The following TTLL1 variants were observed in gnomAD, a reference collection of about 807,000 sequenced individuals.
The protein encoded by TTLL1 is TTL family tubulin polyglutamylase complex subunit L1.
In TTLL1, 33 loss-of-function variants were observed where a neutral mutation model predicts 47.8. The observed-to-expected ratio is 0.69, with a 90% CI of 0.52 to 0.92. The LOEUF is 0.92. Among genes scored for constraint, TTLL1 ranks in the 40% least tolerant of loss-of-function variants. TTLL1 has a pLI of 0.00. For missense variants in TTLL1, 488 were observed against 547.5 expected (o/e 0.89, Z 1.08); for synonymous variants, 225 against 214.1 (o/e 1.05, Z -0.45).
At chr22:43,042,552 C>T (rs946967249) in intron 10 of TTLL1, among the ~76,000 whole-genome samples, 2 of 152,250 alleles carry the variant, frequency 1.3e-5, no homozygotes, top group Admixed American at 1.3e-4. Context: ...CTTGTAGGGC[C>T]ACAGCCAATG....
At chr22:43,060,736 T>A (rs1004169231) in intron 7 of TTLL1, among the ~76,000 whole-genome samples, 55 of 152,304 alleles carry the variant, frequency 3.6e-4, no homozygotes, top group African/African-American at 1.3e-3. Context: ...AATGCTTATC[T>A]TTGAAGGCAA....
intron 2 of TTLL1, among the ~76,000 whole-genome samples, chr22:43,079,434 G>A (rs939259494): frequency 6.6e-6 from 1 of 151,874 alleles, no homozygotes; most frequent in African/African-American, 2.4e-5. Context: ...CCTCACACCC[G>A]CAGACACGGG....
intron 10 of TTLL1, among the ~76,000 whole-genome samples, chr22:43,042,704 C>G (rs375385748): frequency 6.6e-6 from 1 of 152,130 alleles, no homozygotes; most frequent in African/African-American, 2.4e-5. Flanking sequence ...CCAGTCAGCA[C>G]CAACTGCTAC....
chr22:43,075,697 C>T (rs1928443225), intron 2 of TTLL1, 107 bp from the exon 3 acceptor site: 7 of 931,696 alleles, frequency 7.5e-6, no homozygotes, highest in South Asian at 4.2e-5. Context: ...GATCTTACCC[C>T]GGCAATGGTT....
Position 43,046,559 on chromosome 22 carries a change from C to A in TTLL1, c.993G>T (p.Pro331=), listed in dbSNP as rs143499869. 6.2e-7 allele frequency: 1 copy of A among 1,614,020 alleles called. No homozygotes were observed. The highest frequency in any genetic ancestry group is 1.3e-5 in the African/African-American group (1 of 75,048). Reference sequence around the variant, plus strand: ...CATTGGCAGTGCTGGACGTGAGAGACGGGGACGCATTCACCTGTGAGATGA... The same window carrying A: ...CATTGGCAGTGCTGGACGTGAGAGAAGGGGACGCATTCACCTGTGAGATGA... The part of the protein sequence containing the change: ...KPWLIEVNAS[P]SLTSSTANDR... The change falls in exon 10 of 11, where the codon CCG becomes CCT. Residue 331 remains proline, a synonymous_variant. Transcript: ENST00000266254.
At chr22:43,056,462 CTTTTTTTTTTTT>C (rs1052016247) in intron 8 of TTLL1, among the ~76,000 whole-genome samples, 4 of 103,706 alleles carry the variant, frequency 3.9e-5, no homozygotes, top group East Asian at 5.5e-4. Flanking sequence ...TTCTTCTTGT[CTTTTTTTTTTTT>C]TTTTTTTTTT....
chr22:43,061,443 G>A (rs1324322911), intron 7 of TTLL1, among the ~76,000 whole-genome samples: 1 of 152,188 alleles, frequency 6.6e-6, no homozygotes, highest in Non-Finnish European at 1.5e-5. Flanking sequence ...GATGGGCAGA[G>A]GACCGAGTCC....
intron 8 of TTLL1, among the ~76,000 whole-genome samples, chr22:43,055,496 T>A (rs1926939089): frequency 6.6e-6 from 1 of 152,112 alleles, no homozygotes; most frequent in South Asian, 2.1e-4. Flanking sequence ...CATGCCTGGC[T>A]AATTTTTGTA....
intron 5 of TTLL1, among the ~76,000 whole-genome samples, chr22:43,067,297 C>T (rs140010110): frequency 1.3e-5 from 2 of 152,344 alleles, no homozygotes. Flanking sequence ...CATCACAACC[C>T]CATGGCAGTG....
intron 8 of TTLL1, among the ~76,000 whole-genome samples, chr22:43,053,881 C>T (rs934540349): frequency 1.3e-5 from 2 of 152,166 alleles, no homozygotes; most frequent in African/African-American, 2.4e-5. Context: ...AAACAGCTAA[C>T]TTTTTCTCAA....
Sources: allele counts gnomAD v4.1 joint callset (sites outside exome capture counted in the v4.1 genomes callset), GRCh38; gene constraint gnomAD v4.1.1; transcripts MANE v1.5; gene names NCBI Gene and HGNC (gene_info 2026-07-23, HGNC 2026-07-21).